Variants in FBXO16 observed in about 807,000 individuals in gnomAD.
The protein encoded by FBXO16 is F-box protein 16.
Under a neutral mutation model 41.0 loss-of-function variants are expected in FBXO16, and 31 were observed. The ratio of observed to expected loss-of-function variants is 0.76; its 90% CI spans 0.57 to 1.02. The LOEUF (loss-of-function observed/expected upper bound fraction) is 1.02. FBXO16 is among the 50% of genes least tolerant of loss of function. The pLI, the probability that FBXO16 is intolerant of heterozygous loss-of-function variation, is 0.00. For synonymous variants in FBXO16, 133 were observed against 117.8 expected, an observed-to-expected ratio of 1.13 and a Z score of -0.84; for missense variants, 361 against 346.2, an observed-to-expected ratio of 1.04 and a Z score of -0.34.
intron 3 of FBXO16, among the ~76,000 whole-genome samples, chr8:28,470,502 A>G (rs1019955495): frequency 6.6e-6 from 1 of 152,230 alleles, no homozygotes; most frequent in African/African-American, 2.4e-5. Flanking sequence ...TGCATTTAAC[A>G]TTTTAACAGA....
intron 7 of FBXO16, among the ~76,000 whole-genome samples, chr8:28,433,016 G>A (rs1802631583): frequency 1.3e-5 from 2 of 150,848 alleles, no homozygotes; most frequent in South Asian, 4.2e-4. Context: ...AGCCGAGATT[G>A]CACCACTGCA....
intron 1 of FBXO16, among the ~76,000 whole-genome samples, chr8:28,488,594 C>T (rs959552252): frequency 6.6e-6 from 1 of 152,012 alleles, no homozygotes; most frequent in Non-Finnish European, 1.5e-5. Context: ...CGAGCCACTA[C>T]CTCCTGCCTT....
At chr8:28,469,804 G>A (rs1803302204) in intron 3 of FBXO16, among the ~76,000 whole-genome samples, 2 of 152,118 alleles carry the variant, frequency 1.3e-5, no homozygotes, top group Admixed American at 1.3e-4. Flanking sequence ...AGGAGGCTGA[G>A]GTAGGTGAAT....
chr8:28,444,638 G>A (rs545118344), intron 7 of FBXO16, among the ~76,000 whole-genome samples: 12 of 149,134 alleles, frequency 8.0e-5, no homozygotes, highest in African/African-American at 2.8e-4. Flanking sequence ...CCACTTCGCC[G>A]AGCTAATTTT....
chr8:28,465,730 C>T (rs182013900), intron 3 of FBXO16, among the ~76,000 whole-genome samples: 7 of 152,294 alleles, frequency 4.6e-5, no homozygotes, highest in African/African-American at 7.2e-5. Context: ...GACTTTCTTA[C>T]GCCAGCTCAG....
At chr8:28,444,779 CTTTTT>C (rs71549666) in intron 7 of FBXO16, among the ~76,000 whole-genome samples, 6 of 30,826 alleles carry the variant, frequency 1.9e-4, no homozygotes, top group African/African-American at 4.5e-4. Flanking sequence ...CGCGCCCGGA[CTTTTT>C]TTTTTTTTTT....
chr8:28,431,380 C>T (rs373723325), intron 7 of FBXO16, among the ~76,000 whole-genome samples: 1 of 152,146 alleles, frequency 6.6e-6, no homozygotes, highest in South Asian at 2.1e-4. Context: ...ACTTTCATGT[C>T]CATTATTACA....
chr8:28,463,198 GTA>G lies in FBXO16; in HGVS notation c.342+412_342+413del, dbSNP rs538264918. Among the ~76,000 whole-genome samples, 367 of 151,034 alleles carry G rather than the reference GTA, an allele frequency of 2.4e-3. 4 individuals are homozygous for G. Among genetic ancestry groups the G allele is most frequent in the African/African-American group, 7.9e-3 (320 of 40,664 alleles). On this transcript the variant is annotated intron_variant, in intron 4 of 8. Coordinates refer to ENST00000380254, the MANE Select transcript of FBXO16 (RefSeq NM_172366.4). ...TGTGTGTATATGTGTGTATGTTTGT[GTA>G]TGTGTTTGTGTGTTTATGTGTGTCC... is the stretch of plus-strand genomic sequence containing the variant.
At chr8:28,487,771 T>A (rs945163882) in intron 1 of FBXO16, among the ~76,000 whole-genome samples, 4 of 152,066 alleles carry the variant, frequency 2.6e-5, no homozygotes, top group African/African-American at 9.7e-5. Context: ...TTGTCATCCC[T>A]CCTTCCACAG....
At chr8:28,487,036 T>C (rs760311154) in intron 1 of FBXO16, among the ~76,000 whole-genome samples, 30 of 152,052 alleles carry the variant, frequency 2.0e-4, no homozygotes, top group Non-Finnish European at 2.2e-4. Context: ...ATGTGACTGA[T>C]CCTAGGCACA....
At position 28,428,489 on chromosome 8, in the gene FBXO16, G is replaced by A; in HGVS notation, c.*238C>T. Reference sequence around the variant, plus strand: ...TACTTAAGCTGAAAGAGTTTCTAATGGGAGCCAAGTAAATTCAGCTCTCCA... The same window carrying A: ...TACTTAAGCTGAAAGAGTTTCTAATAGGAGCCAAGTAAATTCAGCTCTCCA... On this transcript the variant is annotated 3_prime_UTR_variant, in exon 9 of 9. Transcript: ENST00000380254. 2.8e-6 allele frequency: 4 copies of A among 1,409,184 alleles called. No individual in the cohort carries two copies. Among genetic ancestry groups the A allele is most frequent in the Non-Finnish European group, 3.8e-6 (4 of 1,062,528 alleles). 87.3% of individuals were successfully genotyped at this position (1,409,184 alleles called of 1,614,324 possible). A position where few individuals can be genotyped will look rare whatever the true frequency, so the allele number is the denominator to read the frequency against.
intron 2 of FBXO16, among the ~76,000 whole-genome samples, chr8:28,480,877 A>G (rs1016372360): frequency 2.0e-5 from 3 of 152,108 alleles, no homozygotes; most frequent in African/African-American, 7.2e-5. Flanking sequence ...CGGAATCTCA[A>G]CTCTTCATGC....
rs756301011 is a variant in FBXO16, at chr8:28,473,949, T to A, written c.100-142A>T. 9.6e-6 allele frequency: 6 copies of A among 626,264 alleles called. No individual in the cohort carries two copies. In the Admixed American group the frequency reaches 1.8e-4, roughly 18 times the overall value. 38.8% of individuals were successfully genotyped at this position (626,264 alleles called of 1,614,324 possible). On this transcript the variant is annotated intron_variant, in intron 2 of 8. Coordinates refer to ENST00000380254, the MANE Select transcript of FBXO16 (RefSeq NM_172366.4). Reference sequence around the variant, plus strand: ...TAAAAGGCAGATTTTACTCCTGAGGTTATATATTTTTACCCTGGGCAAGGT... The same window carrying A: ...TAAAAGGCAGATTTTACTCCTGAGGATATATATTTTTACCCTGGGCAAGGT...
At position 28,452,326 on chromosome 8, in the gene FBXO16, G is replaced by A. The variant is rs768483018; in HGVS notation, c.658C>T (p.Arg220Ter). 3.7e-6 allele frequency: 6 copies of A among 1,614,058 alleles called. No homozygotes were observed. Among genetic ancestry groups the A allele is most frequent in the East Asian group, 2.2e-5 (1 of 44,894 alleles). ...TCTGTTGGGTGCTTATCAGAAGATC[G>A]CCAGGGTGGAAGTGCTTTCTCCCCT... ...NSGEKALPPW[R>*]SSDKHPTDII... Residue 220 changes from arginine (R) to a stop codon, truncating the protein, a stop_gained, in exon 6 of 9, where the codon CGA becomes TGA. Transcript: ENST00000380254. LOFTEE classifies it high-confidence loss of function.
chr8:28,458,406 C>T (rs546731774), intron 4 of FBXO16, among the ~76,000 whole-genome samples: 1 of 151,854 alleles, frequency 6.6e-6, no homozygotes, highest in African/African-American at 2.4e-5. Context: ...GTTTGTTTGA[C>T]CCAGAAACGA....
At chr8:28,483,813 C>T (rs890119707) in intron 1 of FBXO16, among the ~76,000 whole-genome samples, 14 of 152,078 alleles carry the variant, frequency 9.2e-5, no homozygotes, top group African/African-American at 3.1e-4. Context: ...GTACTCCAGC[C>T]TGGGCAGCAG....
intron 2 of FBXO16, among the ~76,000 whole-genome samples, chr8:28,480,185 T>A (rs1175473031): frequency 1.3e-5 from 2 of 152,092 alleles, no homozygotes; most frequent in African/African-American, 4.8e-5. Context: ...ATTTCCTTTA[T>A]CATTTTCCTT....
In FBXO16 at chr8:28,463,096, T is replaced by C. The variant is rs374594478; in HGVS notation, c.342+516A>G. On this transcript the variant is annotated intron_variant, in intron 4 of 8. Coordinates refer to ENST00000380254, the MANE Select transcript of FBXO16 (RefSeq NM_172366.4). ...CAAAGATGGTGGAGGTTAATCCAAA[T>C]GTACAAACATATTGATCATCCCTTC... Among the ~76,000 whole-genome samples, 60 of 152,326 alleles carry C rather than the reference T, an allele frequency of 3.9e-4. No homozygotes were observed. The Middle Eastern group carries it at 0.01, about 26-fold the overall frequency.
At chr8:28,460,245 A>ATATATTTTTTTTTTT (rs1477457728) in intron 4 of FBXO16, among the ~76,000 whole-genome samples, 1 of 85,484 alleles carries the variant, frequency 1.2e-5, no homozygotes, top group African/African-American at 6.3e-5. Context: ...ATATATATAT[A>ATATATTTTTTTTTTT]TTTTTTTTTT....
Sources: allele counts gnomAD v4.1 joint callset (sites outside exome capture counted in the v4.1 genomes callset), GRCh38; gene constraint gnomAD v4.1.1; transcripts MANE v1.5; gene names NCBI Gene and HGNC (gene_info 2026-07-23, HGNC 2026-07-21).